The following ADAMTS18 variants were observed in gnomAD, a reference collection of about 807,000 sequenced individuals.
The protein encoded by ADAMTS18 is A disintegrin and metalloproteinase with thrombospondin motifs 18.
Under a neutral mutation model 165.9 loss-of-function variants are expected in ADAMTS18, and 157 were observed. That is an observed-to-expected ratio of 0.95 (90% confidence interval 0.83 to 1.08). The LOEUF (loss-of-function observed/expected upper bound fraction) is 1.08. ADAMTS18 is among the 50% of genes least tolerant of loss of function. ADAMTS18 has a pLI of 0.00. For synonymous variants in ADAMTS18, 782 were observed against 578.2 expected, an observed-to-expected ratio of 1.35 and a Z score of -5.06; for missense variants, 2,040 against 1,534.0, an observed-to-expected ratio of 1.33 and a Z score of -5.51.
chr16:77,322,217 C>T (rs576621467), intron 14 of ADAMTS18, 119 bp downstream of exon 14: 10 of 1,205,244 alleles, frequency 8.3e-6, no homozygotes, highest in Middle Eastern at 2.2e-4. Flanking sequence ...TTTGCTCTTT[C>T]GCTCCATGCC....
At chr16:77,346,044 T>C (rs897667071) in intron 10 of ADAMTS18, among the ~76,000 whole-genome samples, 2 of 152,124 alleles carry the variant, frequency 1.3e-5, no homozygotes, top group Non-Finnish European at 2.9e-5. Flanking sequence ...CAAATTTTGC[T>C]CCCAAAGCGG....
chr16:77,393,247 A>G (rs1290378796), intron 3 of ADAMTS18, among the ~76,000 whole-genome samples: 1 of 152,182 alleles, frequency 6.6e-6, no homozygotes, highest in Non-Finnish European at 1.5e-5. Flanking sequence ...GTACAACTCG[A>G]AGTTCAGGGC....
intron 3 of ADAMTS18, among the ~76,000 whole-genome samples, chr16:77,375,393 ATAAG>A (rs1035499736): frequency 6.6e-6 from 1 of 152,168 alleles, no homozygotes; most frequent in African/African-American, 2.4e-5. Context: ...AAAAAATAAA[ATAAG>A]TAGGAAGAAA....
intron 10 of ADAMTS18, among the ~76,000 whole-genome samples, chr16:77,349,912 T>G (rs2056531295): frequency 6.6e-6 from 1 of 152,218 alleles, no homozygotes; most frequent in African/African-American, 2.4e-5. Flanking sequence ...GGTCTATGAA[T>G]AAACATTAAA....
At chr16:77,288,355 GC>G in intron 22 of ADAMTS18, among the ~76,000 whole-genome samples, 1 of 152,048 alleles carries the variant, frequency 6.6e-6, no homozygotes, top group African/African-American at 2.4e-5. Flanking sequence ...TAGTATCCCA[GC>G]ATGGACTAGG....
intron 16 of ADAMTS18, among the ~76,000 whole-genome samples, chr16:77,313,357 T>C (rs893442224): frequency 1.3e-5 from 2 of 151,948 alleles, no homozygotes; most frequent in Admixed American, 6.6e-5. Flanking sequence ...GACGAGTTAA[T>C]GGGTACAGCA....
chr16:77,298,248 C>A (rs1437815363), intron 17 of ADAMTS18, among the ~76,000 whole-genome samples: 1 of 152,108 alleles, frequency 6.6e-6, no homozygotes, highest in Non-Finnish European at 1.5e-5. Flanking sequence ...CATCCCACTG[C>A]CTTGCTTTCA....
At chr16:77,366,887 C>G (rs2056802659) in intron 4 of ADAMTS18, among the ~76,000 whole-genome samples, 1 of 151,884 alleles carries the variant, frequency 6.6e-6, no homozygotes, top group Non-Finnish European at 1.5e-5. Context: ...TTCATTTACC[C>G]TTTTTTTTAA....
At chr16:77,315,964 C>T in intron 16 of ADAMTS18, among the ~76,000 whole-genome samples, 1 of 152,274 alleles carries the variant, frequency 6.6e-6, no homozygotes, top group East Asian at 1.9e-4. Context: ...TGTTTCCAGT[C>T]ATCCTCAAGA....
chr16:77,432,399 C>T (rs1488263139), intron 2 of ADAMTS18: 2 of 152,200 alleles, frequency 1.3e-5, no homozygotes, highest in African/African-American at 4.8e-5. Flanking sequence ...CCTGGAAAGG[C>T]ATGTTTAAAA....
intron 3 of ADAMTS18, among the ~76,000 whole-genome samples, chr16:77,427,003 G>A (rs2057681835): frequency 6.6e-6 from 1 of 152,134 alleles, no homozygotes; most frequent in Non-Finnish European, 1.5e-5. Context: ...GACAGAGTAA[G>A]ACCCTGTCTC....
At chr16:77,386,905 C>T (rs1035056947) in intron 3 of ADAMTS18, among the ~76,000 whole-genome samples, 1 of 152,190 alleles carries the variant, frequency 6.6e-6, no homozygotes, top group South Asian at 2.1e-4. Context: ...TCTGCAAATT[C>T]TTGGTGCTGT....
intron 6 of ADAMTS18, 83 bp from the exon 7 acceptor site, chr16:77,362,347 C>A (rs181898794): frequency 3.4e-6 from 5 of 1,472,208 alleles, no homozygotes; most frequent in Non-Finnish European, 4.7e-6. Context: ...CAGGCAAACA[C>A]AGAAACATAT....
intron 2 of ADAMTS18, 27 bp from the exon 3 acceptor site, chr16:77,431,638 G>C (rs1219898159): frequency 1.2e-6 from 2 of 1,610,824 alleles, no homozygotes; most frequent in South Asian, 2.2e-5. Context: ...TCAGCTGTCA[G>C]CACCCAGAGC....
At chr16:77,324,543 C>A (rs1032588087) in intron 13 of ADAMTS18, among the ~76,000 whole-genome samples, 3 of 152,112 alleles carry the variant, frequency 2.0e-5, no homozygotes, top group African/African-American at 7.2e-5. Flanking sequence ...CCTTGTGGAA[C>A]CTAAATTCTT....
intron 3 of ADAMTS18, among the ~76,000 whole-genome samples, chr16:77,380,409 A>G (rs2057013984): frequency 6.6e-6 from 1 of 152,248 alleles, no homozygotes; most frequent in African/African-American, 2.4e-5. Flanking sequence ...CTCAAATCCC[A>G]TGAGACCAGA....
At position 77,289,116 on chromosome 16, in the gene ADAMTS18, C is replaced by T. The variant is rs2144557703; in HGVS notation, c.3550+148G>A. ...AACTTCCCCAGAGTGGTGCCTTATA[C>T]AACTCCAGGGAGCACTGTCACATAG... On this transcript the variant is annotated intron_variant, in intron 22 of 22. Transcript: ENST00000282849. The T allele has an allele frequency of 4.0e-6, 4 of 1,004,494 alleles. No homozygotes were observed. In the South Asian group the frequency reaches 4.1e-5, roughly 10 times the overall value. 62.2% of individuals were successfully genotyped at this position (1,004,494 alleles called of 1,614,324 possible). A position where few individuals can be genotyped will look rare whatever the true frequency, so the allele number is the denominator to read the frequency against.
At chr16:77,388,229 C>G (rs1195005835) in intron 3 of ADAMTS18, among the ~76,000 whole-genome samples, 1 of 152,084 alleles carries the variant, frequency 6.6e-6, no homozygotes, top group Non-Finnish European at 1.5e-5. Context: ...CCTCCTGAGT[C>G]GCTGAGATTA....
intron 12 of ADAMTS18, among the ~76,000 whole-genome samples, chr16:77,334,802 C>A (rs1440958966): frequency 9.0e-6 from 1 of 110,696 alleles, no homozygotes; most frequent in Non-Finnish European, 1.7e-5. Flanking sequence ...ATACTATATA[C>A]TATAGTATAC....
Sources: gnomAD v4.1 joint callset for allele counts (sites outside exome capture counted in the v4.1 genomes callset) on GRCh38, gnomAD v4.1.1 for gene constraint, MANE v1.5 for transcripts, NCBI Gene and HGNC (gene_info 2026-07-23, HGNC 2026-07-21) for gene names.